EVL: variants seen among roughly 807,000 people sequenced by gnomAD.
EVL encodes the protein ena/VASP-like protein.
Under a neutral mutation model 59.6 loss-of-function variants are expected in EVL, and 21 were observed. The observed-to-expected ratio is 0.35, with a 90% confidence interval of 0.25 to 0.51. The LOEUF (loss-of-function observed/expected upper bound fraction) is 0.51, where lower values mean the gene tolerates loss of function less well. Ranked by LOEUF, EVL falls within the 20% of genes least tolerant of loss-of-function variation. The pLI, the probability that EVL is intolerant of heterozygous loss-of-function variation, is 0.97. For synonymous variants in EVL, 198 were observed against 203.5 expected, an observed-to-expected ratio of 0.97 and a Z score of 0.23; for missense variants, 462 against 546.6, an observed-to-expected ratio of 0.85 and a Z score of 1.54.
intron 9 of EVL, among the ~76,000 whole-genome samples, chr14:100,136,474 TAGG>T (rs1888794132): frequency 6.6e-6 from 1 of 152,086 alleles, no homozygotes. Flanking sequence ...GGGAGGTAGT[TAGG>T]AGAGTATGAT....
intron 1 of EVL, among the ~76,000 whole-genome samples, chr14:99,996,269 A>G (rs1317437337): frequency 6.6e-6 from 1 of 151,848 alleles, no homozygotes; most frequent in Non-Finnish European, 1.5e-5. Flanking sequence ...TACTTGGGGT[A>G]CAGAAACCTC....
chr14:99,996,864 T>A (rs1234954987), intron 1 of EVL, among the ~76,000 whole-genome samples: 1 of 152,220 alleles, frequency 6.6e-6, no homozygotes, highest in African/African-American at 2.4e-5. Context: ...TTGCCCAGGC[T>A]GGCCTCGAAC....
chr14:99,979,955 T>G (rs889004856), intron 1 of EVL, among the ~76,000 whole-genome samples: 2 of 152,224 alleles, frequency 1.3e-5, no homozygotes, highest in African/African-American at 4.8e-5. Context: ...CTTGTCATTA[T>G]CCCCTAAACA....
intron 1 of EVL, among the ~76,000 whole-genome samples, chr14:100,059,443 G>T (rs2061785777): frequency 6.6e-6 from 1 of 152,210 alleles, no homozygotes; most frequent in South Asian, 2.1e-4. Flanking sequence ...TGGAAGCCCT[G>T]TGACAGGGCA....
intron 4 of EVL, among the ~76,000 whole-genome samples, chr14:100,123,992 G>A (rs1887866713): frequency 6.6e-6 from 1 of 152,222 alleles, no homozygotes; most frequent in South Asian, 2.1e-4. Flanking sequence ...CCATGGGATG[G>A]GGCTAGGGAC....
At chr14:100,077,842 G>A (rs1033758479) in intron 1 of EVL, among the ~76,000 whole-genome samples, 2 of 152,024 alleles carry the variant, frequency 1.3e-5, no homozygotes, top group Non-Finnish European at 2.9e-5. Context: ...GCGCAATCTC[G>A]GCTCACTGCA....
At chr14:100,125,319 C>T (rs1357675335) in intron 4 of EVL, among the ~76,000 whole-genome samples, 3 of 152,092 alleles carry the variant, frequency 2.0e-5, no homozygotes, top group Admixed American at 6.5e-5. Flanking sequence ...GCTTGTCCCA[C>T]GCAACTTTAC....
chr14:100,043,396 C>T (rs543238225), intron 1 of EVL, among the ~76,000 whole-genome samples: 32 of 146,724 alleles, frequency 2.2e-4, no homozygotes, highest in Admixed American at 1.8e-3. Flanking sequence ...TACGATAGAC[C>T]GTCTGCACGC....
intron 9 of EVL, among the ~76,000 whole-genome samples, chr14:100,136,673 G>A (rs1391280904): frequency 1.3e-5 from 2 of 152,148 alleles, no homozygotes; most frequent in South Asian, 2.1e-4. Context: ...GCATGCTCAG[G>A]TTGGGTGTCG....
intron 2 of EVL, among the ~76,000 whole-genome samples, chr14:100,088,290 C>T (rs1595157956): frequency 6.6e-6 from 1 of 152,192 alleles, no homozygotes; most frequent in East Asian, 1.9e-4. Context: ...GAAGATAGTT[C>T]TCCACCATCA....
chr14:99,988,773 C>T (rs1376620705), intron 1 of EVL, among the ~76,000 whole-genome samples: 1 of 152,128 alleles, frequency 6.6e-6, no homozygotes, highest in African/African-American at 2.4e-5. Context: ...CATGGATGAA[C>T]ATCAGAAATA....
At chr14:100,028,130 G>GTTTTTTTTTTT (rs756735010) in intron 1 of EVL, among the ~76,000 whole-genome samples, 2 of 99,604 alleles carry the variant, frequency 2.0e-5, no homozygotes, top group African/African-American at 9.8e-5. Context: ...TTTTTTGTTT[G>GTTTTTTTTTTT]TTTGTTTTTT....
At position 100,129,546 on chromosome 14, in the gene EVL, GCCT is replaced by G; in HGVS notation, c.718-13_718-11del. On this transcript the variant is annotated splice_polypyrimidine_tract_variant and intron_variant, in intron 6 of 13. Transcript: ENST00000392920. Reference sequence around the variant, plus strand: ...CATCAGCAGCAGAATCTAAAACGCGGCCTCCTTTTTCCTCAGCCAGAAGACGCA... The same window carrying G: ...CATCAGCAGCAGAATCTAAAACGCGGCCTTTTTCCTCAGCCAGAAGACGCA... 6.2e-7 allele frequency: 1 copy of G among 1,612,896 alleles called. No homozygotes were observed. Among genetic ancestry groups the G allele is most frequent in the Non-Finnish European group, 8.5e-7 (1 of 1,179,612 alleles).
At chr14:100,117,707 A>C (rs1037235834) in intron 3 of EVL, among the ~76,000 whole-genome samples, 4 of 152,106 alleles carry the variant, frequency 2.6e-5, no homozygotes, top group African/African-American at 9.7e-5. Flanking sequence ...TGTAATACAC[A>C]CTCAATAAAC....
intron 1 of EVL, among the ~76,000 whole-genome samples, chr14:100,029,879 A>C (rs2061282789): frequency 6.6e-6 from 1 of 152,112 alleles, no homozygotes; most frequent in Admixed American, 6.5e-5. Context: ...CTCTGCCCTG[A>C]AGTTGGCTAC....
intron 13 of EVL, among the ~76,000 whole-genome samples, chr14:100,143,374 A>T (rs1389982070): frequency 1.3e-5 from 2 of 152,130 alleles, no homozygotes; most frequent in Non-Finnish European, 2.9e-5. Context: ...CTGCGTCCCC[A>T]CACAGCAGCT....
intron 1 of EVL, among the ~76,000 whole-genome samples, chr14:100,009,638 T>C (rs891618620): frequency 1.1e-4 from 17 of 152,196 alleles, no homozygotes; most frequent in Non-Finnish European, 1.8e-4. Context: ...GACTTCGTAT[T>C]GTTGTTGATG....
chr14:100,104,624 C>T (rs1159349228), intron 3 of EVL, among the ~76,000 whole-genome samples: 1 of 152,260 alleles, frequency 6.6e-6, no homozygotes, highest in South Asian at 2.1e-4. Context: ...ATAAACCCTG[C>T]AAAGCTCCCG....
chr14:100,141,956 A>T (rs769923489), intron 13 of EVL, 163 bp downstream of exon 13: 2 of 564,374 alleles, frequency 3.5e-6, no homozygotes, highest in Non-Finnish European at 6.0e-6. Flanking sequence ...AAACAGGCTC[A>T]GGAAAGCTGA....
Sources: gnomAD v4.1 joint callset for allele counts (sites outside exome capture counted in the v4.1 genomes callset) on GRCh38, gnomAD v4.1.1 for gene constraint, MANE v1.5 for transcripts, NCBI Gene and HGNC (gene_info 2026-07-23, HGNC 2026-07-21) for gene names.